SLC35F4: variants seen among roughly 807,000 people sequenced by gnomAD.
SLC35F4 encodes the protein solute carrier family 35 member F4.
In SLC35F4, 24 loss-of-function variants were observed where a neutral mutation model predicts 44.2. That is an observed-to-expected ratio of 0.54 (90% CI 0.39 to 0.76). The LOEUF is 0.76. Ranked by LOEUF, SLC35F4 falls within the 30% of genes least tolerant of loss-of-function variation. The probability of loss-of-function intolerance (pLI) is 0.00; values close to 1 mark genes in which losing one functional copy is unlikely to be tolerated. For missense variants in SLC35F4, 562 were observed against 586.1 expected, an observed-to-expected ratio of 0.96 and a Z score of 0.42; for synonymous variants, 238 against 223.6, an observed-to-expected ratio of 1.06 and a Z score of -0.57.
intron 1 of SLC35F4, among the ~76,000 whole-genome samples, chr14:57,814,790 A>G (rs1882374782): frequency 6.6e-6 from 1 of 152,218 alleles, no homozygotes; most frequent in African/African-American, 2.4e-5. Flanking sequence ...ATAGGGGCAG[A>G]ATGTGATGCA....
At chr14:57,682,088 G>T (rs184337280) in intron 1 of SLC35F4, among the ~76,000 whole-genome samples, 2 of 152,166 alleles carry the variant, frequency 1.3e-5, no homozygotes, top group Non-Finnish European at 2.9e-5. Flanking sequence ...ACAGTGTGGC[G>T]ATTCCTCAAG....
intron 1 of SLC35F4, among the ~76,000 whole-genome samples, chr14:57,717,418 CGAGGTCAG>C (rs1253082867): frequency 6.6e-6 from 1 of 152,096 alleles, no homozygotes; most frequent in African/African-American, 2.4e-5. Context: ...AGGCGGATCA[CGAGGTCAG>C]GAGATCGAGA....
chr14:57,884,956 TA>T (rs1888616624), intron 1 of SLC35F4, among the ~76,000 whole-genome samples: 1 of 152,174 alleles, frequency 6.6e-6, no homozygotes, highest in African/African-American at 2.4e-5. Flanking sequence ...AATATTTTTC[TA>T]AAGATACAAT....
chr14:57,680,502 T>A (rs939192199), intron 1 of SLC35F4, among the ~76,000 whole-genome samples: 1 of 151,982 alleles, frequency 6.6e-6, no homozygotes, highest in Non-Finnish European at 1.5e-5. Flanking sequence ...CTATTCAACA[T>A]ATTGGAAGTT....
chr14:57,961,916 T>C (rs1890346668), intron 1 of SLC35F4, among the ~76,000 whole-genome samples: 1 of 152,186 alleles, frequency 6.6e-6, no homozygotes, highest in African/African-American at 2.4e-5. Context: ...TCAGTGTGAG[T>C]ATCTGTTTTA....
chr14:57,644,655 T>A (rs1047439508), intron 1 of SLC35F4, among the ~76,000 whole-genome samples: 1 of 152,194 alleles, frequency 6.6e-6, no homozygotes, highest in Non-Finnish European at 1.5e-5. Context: ...TTTGTTGCCA[T>A]TGCTTTTGGT....
At chr14:57,794,042 C>A (rs1023420817) in intron 1 of SLC35F4, among the ~76,000 whole-genome samples, 11 of 151,936 alleles carry the variant, frequency 7.2e-5, no homozygotes, top group African/African-American at 2.7e-4. Flanking sequence ...TATCTTTCAT[C>A]ATATAAAAAA....
At chr14:57,570,458 CT>C (rs2068441601) in intron 5 of SLC35F4, among the ~76,000 whole-genome samples, 1 of 152,268 alleles carries the variant, frequency 6.6e-6, no homozygotes, top group African/African-American at 2.4e-5. Flanking sequence ...AAGCAGTTTT[CT>C]TTGTGAGCTC....
At chr14:57,652,691 C>T (rs2073828912) in intron 1 of SLC35F4, among the ~76,000 whole-genome samples, 1 of 150,572 alleles carries the variant, frequency 6.6e-6, no homozygotes, top group Non-Finnish European at 1.5e-5. Context: ...GGATAGTAAC[C>T]CCCACACAAA....
At chr14:57,646,050 C>T (rs1477104063) in intron 1 of SLC35F4, among the ~76,000 whole-genome samples, 3 of 151,938 alleles carry the variant, frequency 2.0e-5, no homozygotes, top group Admixed American at 6.6e-5. Context: ...GATTTTTGTA[C>T]CAATGTTCAT....
intron 6 of SLC35F4, among the ~76,000 whole-genome samples, chr14:57,567,428 G>GA (rs2068261614): frequency 6.6e-6 from 1 of 152,116 alleles, no homozygotes; most frequent in Non-Finnish European, 1.5e-5. Flanking sequence ...TATCTCTGCA[G>GA]AACCAAAAAA....
At chr14:57,567,342 G>T (rs1011481982) in intron 6 of SLC35F4, among the ~76,000 whole-genome samples, 41 of 152,350 alleles carry the variant, frequency 2.7e-4, no homozygotes, top group African/African-American at 9.4e-4. Context: ...TCAGGGGATA[G>T]AGAGATGAGT....
intron 1 of SLC35F4, among the ~76,000 whole-genome samples, chr14:57,961,698 T>A (rs1044543059): frequency 6.6e-6 from 1 of 152,198 alleles, no homozygotes; most frequent in Non-Finnish European, 1.5e-5. Context: ...CATGACTTTA[T>A]GTCCAGCCGC....
chr14:57,955,252 C>T (rs1199026189), intron 1 of SLC35F4, among the ~76,000 whole-genome samples: 3 of 152,136 alleles, frequency 2.0e-5, no homozygotes, highest in East Asian at 3.8e-4. Flanking sequence ...CCCCTTCATG[C>T]TAAAAACTCT....
chr14:57,585,355 C>T (rs755151058), intron 3 of SLC35F4, among the ~76,000 whole-genome samples: 1 of 152,022 alleles, frequency 6.6e-6, no homozygotes, highest in Non-Finnish European at 1.5e-5. Flanking sequence ...AATAATAAGA[C>T]CTATTTATGA....
At chr14:57,845,877 C>G (rs994761659) in intron 1 of SLC35F4, among the ~76,000 whole-genome samples, 2 of 152,158 alleles carry the variant, frequency 1.3e-5, no homozygotes, top group Non-Finnish European at 2.9e-5. Context: ...CTTCTCTTCT[C>G]ACTTCTTTCC....
chr14:57,700,296 T>A (rs1382813522), intron 1 of SLC35F4, among the ~76,000 whole-genome samples: 4 of 152,112 alleles, frequency 2.6e-5, no homozygotes. Context: ...CATTAAAAAG[T>A]ACAGTATAAA....
intron 1 of SLC35F4, among the ~76,000 whole-genome samples, chr14:57,789,122 A>G (rs2077845646): frequency 6.6e-6 from 1 of 152,166 alleles, no homozygotes; most frequent in Non-Finnish European, 1.5e-5. Context: ...GAAATTCAAA[A>G]GCTAGCAGAA....
intron 5 of SLC35F4, 88 bp from the exon 6 acceptor site, chr14:57,570,068 G>A: frequency 8.1e-7 from 1 of 1,234,580 alleles, no homozygotes; most frequent in Non-Finnish European, 1.1e-6. Flanking sequence ...TGAGCTAACT[G>A]GCCCAGAGTT....
Sources: gnomAD v4.1 joint callset for allele counts (sites outside exome capture counted in the v4.1 genomes callset) on GRCh38, gnomAD v4.1.1 for gene constraint, MANE v1.5 for transcripts, NCBI Gene and HGNC (gene_info 2026-07-23, HGNC 2026-07-21) for gene names.